Variants in SLC2A13 observed in about 807,000 individuals in gnomAD.
SLC2A13 encodes proton myo-inositol cotransporter.
In SLC2A13, 32 loss-of-function variants were observed where a neutral mutation model predicts 64.4. That is an observed-to-expected ratio of 0.50 (90% CI 0.37 to 0.67). The LOEUF is 0.67. SLC2A13 is among the 30% of genes least tolerant of loss of function. The pLI, the probability that SLC2A13 is intolerant of heterozygous loss-of-function variation, is 0.00. For missense variants in SLC2A13, 743 were observed against 829.2 expected, an observed-to-expected ratio of 0.90 and a Z score of 1.28; for synonymous variants, 338 against 327.1, an observed-to-expected ratio of 1.03 and a Z score of -0.36.
At chr12:40,087,424 A>G (rs1938620479) in intron 1 of SLC2A13, among the ~76,000 whole-genome samples, 1 of 152,190 alleles carries the variant, frequency 6.6e-6, no homozygotes, top group African/African-American at 2.4e-5. Context: ...AGTAAATATC[A>G]AAACGCTTTA....
intron 3 of SLC2A13, among the ~76,000 whole-genome samples, chr12:40,024,094 T>A (rs1233194410): frequency 6.6e-6 from 1 of 152,194 alleles, no homozygotes; most frequent in African/African-American, 2.4e-5. Flanking sequence ...ATTACCTATG[T>A]CTCTATCAGG....
intron 7 of SLC2A13, among the ~76,000 whole-genome samples, chr12:39,811,445 A>G (rs541587333): frequency 9.3e-4 from 142 of 152,082 alleles, no homozygotes; most frequent in Non-Finnish European, 1.7e-3. Context: ...CTTATTTTAA[A>G]GTATAAGTTT....
At chr12:39,978,431 A>C (rs1347721275) in intron 3 of SLC2A13, among the ~76,000 whole-genome samples, 3 of 152,142 alleles carry the variant, frequency 2.0e-5, no homozygotes, top group African/African-American at 7.2e-5. Flanking sequence ...CACACTGGGG[A>C]GTGCCAGACA....
chr12:40,090,035 A>C (rs2136295511), intron 1 of SLC2A13, among the ~76,000 whole-genome samples: 1 of 152,224 alleles, frequency 6.6e-6, no homozygotes, highest in African/African-American at 2.4e-5. Context: ...ATTAAAGTTT[A>C]TTTTGCTCAC....
At chr12:39,941,215 T>C (rs1382555618) in intron 4 of SLC2A13, among the ~76,000 whole-genome samples, 1 of 152,148 alleles carries the variant, frequency 6.6e-6, no homozygotes, top group East Asian at 1.9e-4. Context: ...CAATTGTGAA[T>C]TGTGCTGCTA....
intron 3 of SLC2A13, among the ~76,000 whole-genome samples, chr12:40,017,072 C>G (rs549013919): frequency 2.0e-5 from 3 of 152,124 alleles, no homozygotes; most frequent in Non-Finnish European, 4.4e-5. Flanking sequence ...CTAAGTAGGA[C>G]AGAGGGAAGG....
chr12:40,007,066 G>A (rs549342679), intron 3 of SLC2A13, among the ~76,000 whole-genome samples: 5 of 152,106 alleles, frequency 3.3e-5, no homozygotes, highest in South Asian at 4.2e-4. Flanking sequence ...TTCAACTTTC[G>A]TTTCTTTCTT....
At chr12:39,941,402 G>A (rs1207611953) in intron 4 of SLC2A13, among the ~76,000 whole-genome samples, 1 of 152,144 alleles carries the variant, frequency 6.6e-6, no homozygotes. Flanking sequence ...GTGTAGAAGT[G>A]CTCCCTGTTG....
chr12:40,099,749 G>A (rs1939083356), intron 1 of SLC2A13, among the ~76,000 whole-genome samples: 1 of 152,134 alleles, frequency 6.6e-6, no homozygotes, highest in Non-Finnish European at 1.5e-5. Context: ...GAAAAGGGGA[G>A]GGAACAAAGC....
intron 7 of SLC2A13, among the ~76,000 whole-genome samples, chr12:39,779,143 T>C (rs1940885583): frequency 6.6e-6 from 1 of 152,166 alleles, no homozygotes; most frequent in Non-Finnish European, 1.5e-5. Context: ...GGGTGGCCTA[T>C]GGGCGGGGTG....
chr12:39,996,001 T>C (rs1947222828), intron 3 of SLC2A13, among the ~76,000 whole-genome samples: 1 of 152,178 alleles, frequency 6.6e-6, no homozygotes, highest in Non-Finnish European at 1.5e-5. Context: ...ATCAGAAGCA[T>C]GAAAACAAAT....
At chr12:39,984,280 G>A (rs1466078664) in intron 3 of SLC2A13, among the ~76,000 whole-genome samples, 2 of 151,738 alleles carry the variant, frequency 1.3e-5, no homozygotes, top group African/African-American at 4.8e-5. Flanking sequence ...GTATACATAT[G>A]TAACTAACCT....
Position 39,986,681 on chromosome 12 carries a change from T to A in SLC2A13, c.926-35316A>T, listed in dbSNP as rs557357026. On this transcript the variant is annotated intron_variant, in intron 3 of 9. Coordinates refer to ENST00000280871, the MANE Select transcript of SLC2A13 (RefSeq NM_052885.4). Reference sequence around the variant, plus strand: ...GCAGACCAAAAAAAAAAAGATTTTTTAAATGTATCTTAGCAGACAAAAAAA... The same window carrying A: ...GCAGACCAAAAAAAAAAAGATTTTTAAAATGTATCTTAGCAGACAAAAAAA... Among the ~76,000 whole-genome samples, 3 of 150,404 alleles carry A rather than the reference T, an allele frequency of 2.0e-5. No homozygotes were observed. The South Asian group carries it at 6.3e-4, about 32-fold the overall frequency.
intron 3 of SLC2A13, among the ~76,000 whole-genome samples, chr12:39,976,561 C>T (rs1946762439): frequency 6.6e-6 from 1 of 151,508 alleles, no homozygotes; most frequent in Non-Finnish European, 1.5e-5. Flanking sequence ...ATTTTTAAAT[C>T]TTCACTTTTT....
intron 1 of SLC2A13, among the ~76,000 whole-genome samples, chr12:40,102,575 G>T (rs1017461952): frequency 9.2e-5 from 14 of 152,154 alleles, no homozygotes; most frequent in Non-Finnish European, 1.6e-4. Flanking sequence ...GTGGAGGAAA[G>T]AAGTTCTTAG....
chr12:39,910,390 G>C (rs1945402798), intron 4 of SLC2A13, among the ~76,000 whole-genome samples: 2 of 152,106 alleles, frequency 1.3e-5, no homozygotes, highest in East Asian at 3.9e-4. Flanking sequence ...GAAAAGTCAA[G>C]GTTTTTTTTG....
intron 1 of SLC2A13, among the ~76,000 whole-genome samples, chr12:40,073,990 A>G (rs1000926218): frequency 2.6e-5 from 4 of 151,684 alleles, no homozygotes; most frequent in Non-Finnish European, 5.9e-5. Flanking sequence ...TATTTCTTTT[A>G]TATGTATGTT....
intron 1 of SLC2A13, among the ~76,000 whole-genome samples, chr12:40,075,284 G>C (rs1036228796): frequency 2.0e-5 from 3 of 152,112 alleles, no homozygotes; most frequent in Admixed American, 1.3e-4. Flanking sequence ...TGAATCTCTA[G>C]CAATTTGTCA....
intron 4 of SLC2A13, among the ~76,000 whole-genome samples, chr12:39,898,288 A>G (rs1246328628): frequency 2.0e-5 from 3 of 152,210 alleles, no homozygotes; most frequent in Non-Finnish European, 2.9e-5. Context: ...TTTCGAAAAT[A>G]TAAGACAAGC....
Sources: allele counts gnomAD v4.1 joint callset (sites outside exome capture counted in the v4.1 genomes callset), GRCh38; gene constraint gnomAD v4.1.1; transcripts MANE v1.5; gene names NCBI Gene and HGNC (gene_info 2026-07-23, HGNC 2026-07-21).